The following ZNF407 variants were observed in gnomAD, a reference collection of about 807,000 sequenced individuals.
The protein encoded by ZNF407 is zinc finger protein 407.
ZNF407 carries 17 observed loss-of-function variants against 131.2 expected under a neutral mutation model. The observed-to-expected ratio is 0.13, with a 90% CI of 0.09 to 0.19. ZNF407 has a LOEUF of 0.19. Ranked by LOEUF, ZNF407 falls within the 10% of genes least tolerant of loss-of-function variation. The probability of loss-of-function intolerance (pLI) is 1.00; values close to 1 mark genes in which losing one functional copy is unlikely to be tolerated. For missense variants in ZNF407, 2,681 were observed against 2,830.6 expected, an observed-to-expected ratio of 0.95 and a Z score of 1.20; for synonymous variants, 1,156 against 1,062.0, an observed-to-expected ratio of 1.09 and a Z score of -1.72.
intron 8 of ZNF407, among the ~76,000 whole-genome samples, chr18:75,009,725 G>A (rs535870327): frequency 1.3e-4 from 20 of 152,146 alleles, no homozygotes; most frequent in Admixed American, 1.1e-3. Flanking sequence ...AAGTAAACCC[G>A]GACATAGATA....
chr18:74,932,697 A>G (rs1453302935), intron 8 of ZNF407, among the ~76,000 whole-genome samples: 4 of 152,238 alleles, frequency 2.6e-5, no homozygotes, highest in South Asian at 2.1e-4. Context: ...GTTATCAAAT[A>G]AGAAAATGTG....
intron 3 of ZNF407, among the ~76,000 whole-genome samples, chr18:74,697,244 G>A (rs543116874): frequency 2.6e-5 from 4 of 152,194 alleles, no homozygotes; most frequent in African/African-American, 9.6e-5. Context: ...TCTATTAGGT[G>A]GGCAATGTTG....
chr18:74,716,292 G>A (rs1967892796), intron 3 of ZNF407, among the ~76,000 whole-genome samples: 1 of 152,154 alleles, frequency 6.6e-6, no homozygotes, highest in African/African-American at 2.4e-5. Flanking sequence ...TTGTGGGAAT[G>A]TTTTTAGGTG....
At chr18:74,748,284 C>CTT (rs35881659) in intron 3 of ZNF407, among the ~76,000 whole-genome samples, 11 of 138,710 alleles carry the variant, frequency 7.9e-5, no homozygotes, top group East Asian at 2.1e-4. Context: ...AAAATTCTTT[C>CTT]TTTTTTTTTT....
chr18:74,948,776 C>A (rs971365085), intron 8 of ZNF407, among the ~76,000 whole-genome samples: 11 of 152,198 alleles, frequency 7.2e-5, no homozygotes, highest in East Asian at 1.9e-4. Flanking sequence ...TGTAAAAATA[C>A]AGATAACTAA....
chr18:74,854,924 A>C (rs555345333), intron 4 of ZNF407, among the ~76,000 whole-genome samples: 2 of 152,324 alleles, frequency 1.3e-5, no homozygotes, highest in South Asian at 4.1e-4. Context: ...ATTGAAACCT[A>C]GTACTAACTT....
At chr18:74,859,770 A>C (rs1217805410) in intron 4 of ZNF407, among the ~76,000 whole-genome samples, 2 of 152,184 alleles carry the variant, frequency 1.3e-5, no homozygotes, top group Non-Finnish European at 2.9e-5. Context: ...CCTGGAGGAT[A>C]GGCCCTGTGT....
chr18:74,761,610 C>A (rs1969097816), intron 3 of ZNF407, among the ~76,000 whole-genome samples: 1 of 152,076 alleles, frequency 6.6e-6, no homozygotes, highest in Non-Finnish European at 1.5e-5. Flanking sequence ...GTAACTTAGA[C>A]CCCAACATAT....
At chr18:74,990,320 G>C (rs1256146618) in intron 8 of ZNF407, among the ~76,000 whole-genome samples, 1 of 152,170 alleles carries the variant, frequency 6.6e-6, no homozygotes, top group Non-Finnish European at 1.5e-5. Flanking sequence ...GACTGGCTTT[G>C]GTTAAGTTGG....
chr18:74,823,927 T>C (rs1002162563), intron 4 of ZNF407, among the ~76,000 whole-genome samples: 3 of 152,150 alleles, frequency 2.0e-5, no homozygotes, highest in Admixed American at 6.5e-5. Flanking sequence ...CAGCACCTCA[T>C]TGCACTTATT....
Position 74,938,459 on chromosome 18 carries a change from C to G in ZNF407, c.5428+17767C>G, listed in dbSNP as rs73476469. On this transcript the variant is annotated intron_variant, in intron 8 of 8. Coordinates refer to ENST00000299687, the MANE Select transcript of ZNF407 (RefSeq NM_017757.3). ...ACCTTTTGTAATTAAGACGCTCTGT[C>G]TCTTTGACACATAGTGTACCCTTTT... 2.6e-3 allele frequency among the ~76,000 whole-genome samples: 402 copies of G among 152,234 alleles called. 2 individuals are homozygous for G. Among genetic ancestry groups the G allele is most frequent in the African/African-American group, 9.4e-3 (389 of 41,542 alleles).
intron 3 of ZNF407, among the ~76,000 whole-genome samples, chr18:74,687,691 A>G (rs879647021): frequency 3.9e-5 from 6 of 152,208 alleles, no homozygotes; most frequent in Non-Finnish European, 7.3e-5. Flanking sequence ...AATGGTCAGC[A>G]TAACTCAAAC....
intron 4 of ZNF407, among the ~76,000 whole-genome samples, chr18:74,832,253 T>C (rs1284401922): frequency 6.6e-6 from 1 of 152,178 alleles, no homozygotes; most frequent in Non-Finnish European, 1.5e-5. Flanking sequence ...CTCATGTTTT[T>C]CTGATTATAG....
At chr18:74,801,668 G>T (rs1413664848) in intron 4 of ZNF407, among the ~76,000 whole-genome samples, 1 of 152,174 alleles carries the variant, frequency 6.6e-6, no homozygotes, top group Non-Finnish European at 1.5e-5. Context: ...GAGGTCTCTT[G>T]GTTGGTGTGC....
intron 3 of ZNF407, among the ~76,000 whole-genome samples, chr18:74,760,651 C>G (rs997486592): frequency 6.6e-6 from 1 of 152,000 alleles, no homozygotes; most frequent in African/African-American, 2.4e-5. Flanking sequence ...AAAGACAAAC[C>G]CTGAGCATGG....
At chr18:74,704,279 A>G (rs1007818047) in intron 3 of ZNF407, among the ~76,000 whole-genome samples, 2 of 152,238 alleles carry the variant, frequency 1.3e-5, no homozygotes, top group African/African-American at 4.8e-5. Context: ...ATCTTGGCAC[A>G]GGACATGGTG....
At chr18:75,034,784 C>T (rs1449615589) in intron 8 of ZNF407, among the ~76,000 whole-genome samples, 2 of 152,130 alleles carry the variant, frequency 1.3e-5, no homozygotes, top group African/African-American at 4.8e-5. Context: ...GCACATAATG[C>T]TATTGTGTAG....
intron 8 of ZNF407, among the ~76,000 whole-genome samples, chr18:74,947,438 T>C (rs1214538315): frequency 1.3e-5 from 2 of 152,174 alleles, no homozygotes; most frequent in East Asian, 3.9e-4. Context: ...AGTGCTGAAT[T>C]TGGCAGGGTA....
At chr18:74,841,479 G>A (rs1379461103) in intron 4 of ZNF407, among the ~76,000 whole-genome samples, 1 of 152,146 alleles carries the variant, frequency 6.6e-6, no homozygotes, top group Admixed American at 6.5e-5. Flanking sequence ...ACCCTGCTCT[G>A]TTGTTTCCAG....
Sources: allele counts gnomAD v4.1 joint callset (sites outside exome capture counted in the v4.1 genomes callset), GRCh38; gene constraint gnomAD v4.1.1; transcripts MANE v1.5; gene names NCBI Gene and HGNC (gene_info 2026-07-23, HGNC 2026-07-21).